Variants in HSD17B12 observed in about 807,000 individuals in gnomAD.
HSD17B12 encodes hydroxysteroid 17-beta dehydrogenase 12.
In HSD17B12, 32 loss-of-function variants were observed where a neutral mutation model predicts 39.3. That is an observed-to-expected ratio of 0.81 (90% CI 0.61 to 1.09). HSD17B12 has a LOEUF of 1.09. Ranked by LOEUF, HSD17B12 falls within the 50% of genes least tolerant of loss-of-function variation. HSD17B12 has a pLI of 0.00. For missense variants in HSD17B12, 342 were observed against 382.9 expected (o/e 0.89, Z 0.89); for synonymous variants, 150 against 146.7 (o/e 1.02, Z -0.16).
chr11:43,732,600 A>G (rs565303090), intron 1 of HSD17B12, among the ~76,000 whole-genome samples: 1 of 151,986 alleles, frequency 6.6e-6, no homozygotes, highest in East Asian at 1.9e-4. Context: ...AGTAGCTGGG[A>G]CTACAGGCAG....
At chr11:43,733,835 C>A in intron 1 of HSD17B12, 1 of 689,106 alleles carries the variant, frequency 1.5e-6, no homozygotes, top group East Asian at 3.2e-5. Flanking sequence ...GTAAACTCTG[C>A]CTTATATAAT....
At chr11:43,602,816 G>A in the HSD17B12 span, among the ~76,000 whole-genome samples, 2 of 152,098 alleles carry the variant, frequency 1.3e-5, no homozygotes, top group South Asian at 4.1e-4. Flanking sequence ...CAGGAACATG[G>A]ATTGAGGTAG....
chr11:43,609,417 G>T, the HSD17B12 span, among the ~76,000 whole-genome samples: 2 of 151,488 alleles, frequency 1.3e-5, no homozygotes, highest in South Asian at 4.2e-4. Context: ...CCAGGCTGGA[G>T]TGCAGTGGTG....
the HSD17B12 span, among the ~76,000 whole-genome samples, chr11:43,609,895 ATAGACT>A: frequency 2.6e-5 from 4 of 152,206 alleles, no homozygotes; most frequent in African/African-American, 7.2e-5. Context: ...CAACTTTGAG[ATAGACT>A]TAGAGTATAA....
the HSD17B12 span, among the ~76,000 whole-genome samples, chr11:43,659,136 C>T: frequency 6.6e-6 from 1 of 152,364 alleles, no homozygotes; most frequent in Admixed American, 6.5e-5. Flanking sequence ...GCAGTTTGAT[C>T]TCAGACTGCT....
upstream of HSD17B12, among the ~76,000 whole-genome samples, chr11:43,680,356 G>T (rs1949728764): frequency 6.6e-6 from 1 of 152,168 alleles, no homozygotes; most frequent in African/African-American, 2.4e-5. Flanking sequence ...ACAGGTGTTA[G>T]CCACCGCGCC....
Position 43,787,794 on chromosome 11 carries a change from T to C in HSD17B12, c.284-10526T>C, listed in dbSNP as rs576795894. ...AAGTAAATACTCATTTCAATAGCTA[T>C]TTTAAATTTTATGGTGAGTTTTCTG... On this transcript the variant is annotated intron_variant, in intron 3 of 10. Coordinates refer to ENST00000278353, the MANE Select transcript of HSD17B12 (RefSeq NM_016142.3). Among the ~76,000 whole-genome samples the C allele has an allele frequency of 1.1e-3, 160 of 151,970 alleles. 2 individuals carry two copies. The highest frequency in any genetic ancestry group is 1.9e-3 in the South Asian group (9 of 4,818).
the HSD17B12 span, among the ~76,000 whole-genome samples, chr11:43,607,293 T>C: frequency 3.8e-4 from 57 of 151,572 alleles, no homozygotes; most frequent in Admixed American, 3.7e-3. Flanking sequence ...TGTGTGTGTG[T>C]GTGTGTGTGT....
chr11:43,667,197 G>A, the HSD17B12 span, among the ~76,000 whole-genome samples: 1 of 152,130 alleles, frequency 6.6e-6, no homozygotes, highest in Non-Finnish European at 1.5e-5. Context: ...TATGGCCCAG[G>A]CTGGAGTGTA....
chr11:43,738,676 T>TA (rs1210408839), intron 1 of HSD17B12, among the ~76,000 whole-genome samples: 1 of 152,210 alleles, frequency 6.6e-6, no homozygotes, highest in Admixed American at 6.5e-5. Flanking sequence ...ATTCATACAG[T>TA]AAAACCTCAT....
intron 3 of HSD17B12, among the ~76,000 whole-genome samples, chr11:43,769,165 C>T (rs569254419): frequency 1.3e-5 from 2 of 152,264 alleles, no homozygotes; most frequent in African/African-American, 4.8e-5. Context: ...GCCTTGAACT[C>T]CTGACCTCAA....
the HSD17B12 span, among the ~76,000 whole-genome samples, chr11:43,643,940 G>A: frequency 6.6e-6 from 1 of 152,236 alleles, no homozygotes; most frequent in Non-Finnish European, 1.5e-5. Context: ...TTGACACTAT[G>A]AGGAGTGCTC....
At chr11:43,719,664 C>T (rs1016674036) in intron 1 of HSD17B12, among the ~76,000 whole-genome samples, 6 of 150,906 alleles carry the variant, frequency 4.0e-5, no homozygotes, top group Non-Finnish European at 7.4e-5. Context: ...GTGCCCAGTT[C>T]TGCTCTTTGA....
intron 1 of HSD17B12, chr11:43,734,575 C>T (rs1011579145): frequency 2.0e-4 from 98 of 483,820 alleles, no homozygotes; most frequent in East Asian, 5.7e-4. Context: ...TGAGGGCCCA[C>T]CCTGCCTGCA....
At chr11:43,661,658 G>A in the HSD17B12 span, among the ~76,000 whole-genome samples, 1 of 152,048 alleles carries the variant, frequency 6.6e-6, no homozygotes, top group African/African-American at 2.4e-5. Flanking sequence ...CACAAAAAAG[G>A]AGGAAAAAGG....
chr11:43,591,082 A>G, the HSD17B12 span, among the ~76,000 whole-genome samples: 1 of 152,162 alleles, frequency 6.6e-6, no homozygotes, highest in African/African-American at 2.4e-5. Flanking sequence ...TAATATTTAA[A>G]TAAAAGAGGA....
At chr11:43,638,098 T>C in the HSD17B12 span, among the ~76,000 whole-genome samples, 15,786 of 152,158 alleles carry the variant, frequency 0.1, 1,300 homozygotes, top group Admixed American at 0.26. Context: ...CAGTAACACA[T>C]ATAGAAATGA....
chr11:43,808,048 CAACAG>C (rs1212167488), intron 4 of HSD17B12, among the ~76,000 whole-genome samples: 1 of 152,164 alleles, frequency 6.6e-6, no homozygotes, highest in African/African-American at 2.4e-5. Flanking sequence ...CTGACATGAG[CAACAG>C]GGTACCATTT....
intron 1 of HSD17B12, among the ~76,000 whole-genome samples, chr11:43,687,454 A>G (rs1949812129): frequency 6.6e-6 from 1 of 152,152 alleles, no homozygotes. Context: ...GTCCTATGAG[A>G]ATTTGTGAGG....
Sources: allele counts gnomAD v4.1 joint callset (sites outside exome capture counted in the v4.1 genomes callset), GRCh38; gene constraint gnomAD v4.1.1; transcripts MANE v1.5; gene names NCBI Gene and HGNC (gene_info 2026-07-23, HGNC 2026-07-21).